ANK2: variants seen among roughly 807,000 people sequenced by gnomAD.
The protein encoded by ANK2 is ankyrin 2.
Under a neutral mutation model 360.5 loss-of-function variants are expected in ANK2, and 83 were observed. The ratio of observed to expected loss-of-function variants is 0.23; its 90% confidence interval spans 0.19 to 0.28. ANK2 has a LOEUF of 0.28. ANK2 is among the 10% of genes least tolerant of loss of function. The pLI is 1.00. For missense variants in ANK2, 4,201 were observed against 4,795.7 expected (o/e 0.88, Z 3.66); for synonymous variants, 1,740 against 1,759.5 (o/e 0.99, Z 0.28).
intron 23 of ANK2, among the ~76,000 whole-genome samples, chr4:113,307,455 G>A (rs1463505191): frequency 4.9e-5 from 6 of 122,750 alleles, no homozygotes; most frequent in East Asian, 2.4e-4. Context: ...TCACTCTGTC[G>A]CCCAGGCTGG....
Position 113,109,891 on chromosome 4 carries a change from C to T in ANK2, c.84+60079C>T, listed in dbSNP as rs186562817. Among the ~76,000 whole-genome samples the T allele has an allele frequency of 3.6e-3, 545 of 152,174 alleles. 4 individuals are homozygous for T. The highest frequency in any genetic ancestry group is 5.6e-3 in the Non-Finnish European group (383 of 68,006). On this transcript the variant is annotated intron_variant, in intron 1 of 45. Coordinates refer to ENST00000357077, the MANE Select transcript of ANK2 (RefSeq NM_001148.6). The stretch of plus-strand genomic sequence containing the variant: ...ATGTGATTTAGAAGTGATATAAAGA[C>T]CATGTCACACAAAAAAGCTCAAACA...
chr4:113,365,299 A>G (rs779637469), intron 41 of ANK2, 117 bp downstream of exon 41: 2 of 1,084,712 alleles, frequency 1.8e-6, no homozygotes, highest in Non-Finnish European at 2.7e-6. Flanking sequence ...AAGGTAGACC[A>G]TGGCCTATGG....
chr4:112,727,528 A>G, the ANK2 span, among the ~76,000 whole-genome samples: 1 of 152,058 alleles, frequency 6.6e-6, no homozygotes, highest in Non-Finnish European at 1.5e-5. Context: ...AAATAAAACT[A>G]GAAAGATAAA....
At chr4:112,958,333 T>G (rs1263014732) in intron 2 of ANK2, among the ~76,000 whole-genome samples, 1 of 152,230 alleles carries the variant, frequency 6.6e-6, no homozygotes, top group Non-Finnish European at 1.5e-5. Flanking sequence ...AGACTCCATC[T>G]GCAATCCCGG....
intron 4 of ANK2, among the ~76,000 whole-genome samples, chr4:113,212,124 GT>G (rs2099029761): frequency 6.6e-6 from 1 of 152,186 alleles, no homozygotes. Context: ...GAAACTGAGA[GT>G]TTAGGTAACT....
intron 7 of ANK2, among the ~76,000 whole-genome samples, chr4:113,240,278 A>G (rs2039064845): frequency 6.6e-6 from 1 of 152,208 alleles, no homozygotes; most frequent in Non-Finnish European, 1.5e-5. Context: ...CATGAATATT[A>G]TGCCAATAAA....
chr4:112,950,748 T>G (rs1561243978), intron 2 of ANK2, among the ~76,000 whole-genome samples: 1 of 151,590 alleles, frequency 6.6e-6, no homozygotes, highest in African/African-American at 2.4e-5. Context: ...ATTAGCACAG[T>G]ATTTCGGTAG....
chr4:112,964,816 G>T (rs950199353), intron 2 of ANK2, among the ~76,000 whole-genome samples: 1 of 152,088 alleles, frequency 6.6e-6, no homozygotes, highest in African/African-American at 2.4e-5. Context: ...TGATCTGCCT[G>T]CCTCAGCCTC....
At chr4:113,343,949 G>A (rs1318685931) in intron 34 of ANK2, among the ~76,000 whole-genome samples, 1 of 151,980 alleles carries the variant, frequency 6.6e-6, no homozygotes, top group Non-Finnish European at 1.5e-5. Context: ...CTGTTCATCA[G>A]CAATGACTCT....
the ANK2 span, among the ~76,000 whole-genome samples, chr4:112,775,515 TCACACACACACA>T: frequency 1.7e-5 from 2 of 118,066 alleles, no homozygotes; most frequent in South Asian, 3.1e-4. Context: ...CTAAGCTCCA[TCACACACACACA>T]CACACACACA....
intron 2 of ANK2, among the ~76,000 whole-genome samples, chr4:112,997,838 C>CAT (rs962143954): frequency 7.3e-5 from 11 of 149,956 alleles, no homozygotes; most frequent in Middle Eastern, 3.2e-3. Context: ...ATACAAATGA[C>CAT]ATATATATAT....
At chr4:113,258,444 G>C (rs2050719240) in intron 13 of ANK2, 33 bp downstream of exon 13, 4 of 1,575,378 alleles carry the variant, frequency 2.5e-6, no homozygotes, top group Non-Finnish European at 3.5e-6. Context: ...TAACCCCAGG[G>C]AGGAAGAGCG....
At chr4:113,091,687 A>G (rs1220909188) in intron 1 of ANK2, among the ~76,000 whole-genome samples, 2 of 152,200 alleles carry the variant, frequency 1.3e-5, no homozygotes, top group African/African-American at 4.8e-5. Flanking sequence ...TTTAGATGAG[A>G]AAATTGAGGC....
intron 2 of ANK2, among the ~76,000 whole-genome samples, chr4:112,981,127 T>G (rs1330577795): frequency 2.0e-5 from 3 of 152,134 alleles, no homozygotes; most frequent in Non-Finnish European, 4.4e-5. Flanking sequence ...AGGAAGAGTG[T>G]GGAGGAAGAA....
chr4:112,836,384 A>C (rs2060995342), intron 1 of ANK2, among the ~76,000 whole-genome samples: 1 of 152,200 alleles, frequency 6.6e-6, no homozygotes, highest in African/African-American at 2.4e-5. Context: ...AGTGTGAGAA[A>C]GGACTAATAA....
chr4:113,137,197 G>C (rs1270844937), intron 1 of ANK2, among the ~76,000 whole-genome samples: 1 of 152,204 alleles, frequency 6.6e-6, no homozygotes, highest in Non-Finnish European at 1.5e-5. Context: ...GCTTTGGAAA[G>C]ATCTCCTTGG....
chr4:112,964,070 C>T (rs1344707054), intron 2 of ANK2, among the ~76,000 whole-genome samples: 1 of 148,996 alleles, frequency 6.7e-6, no homozygotes, highest in Non-Finnish European at 1.5e-5. Flanking sequence ...GATGATATTT[C>T]CTTTTTAAAA....
intron 23 of ANK2, 152 bp from the exon 24 acceptor site, chr4:113,311,103 T>C: frequency 1.1e-6 from 1 of 905,778 alleles, no homozygotes; most frequent in Non-Finnish European, 1.8e-6. Context: ...TAGCACTGTA[T>C]AGTTGTTTGC....
At chr4:112,761,842 A>G in the ANK2 span, among the ~76,000 whole-genome samples, 1 of 152,116 alleles carries the variant, frequency 6.6e-6, no homozygotes, top group African/African-American at 2.4e-5. Flanking sequence ...CTATTCTCCT[A>G]TAAACTCCTT....
Sources: gnomAD v4.1 joint callset for allele counts (sites outside exome capture counted in the v4.1 genomes callset) on GRCh38, gnomAD v4.1.1 for gene constraint, MANE v1.5 for transcripts, NCBI Gene and HGNC (gene_info 2026-07-23, HGNC 2026-07-21) for gene names.